EIF2AK3: variants seen among roughly 807,000 people sequenced by gnomAD.
EIF2AK3 encodes the protein eukaryotic translation initiation factor 2-alpha kinase 3.
EIF2AK3 carries 50 observed loss-of-function variants against 113.5 expected under a neutral mutation model. The ratio of observed to expected loss-of-function variants is 0.44; its 90% CI spans 0.35 to 0.56. The LOEUF (loss-of-function observed/expected upper bound fraction) is 0.56, where lower values mean the gene tolerates loss of function less well. EIF2AK3 is among the 20% of genes least tolerant of loss of function. The probability of loss-of-function intolerance (pLI) is 0.00; values close to 1 mark genes in which losing one functional copy is unlikely to be tolerated. For missense variants in EIF2AK3, 1,185 were observed against 1,378.0 expected (o/e 0.86, Z 2.22); for synonymous variants, 448 against 495.4 (o/e 0.90, Z 1.27).
chr2:88,579,133 ATAC>A (rs1419668409), intron 11 of EIF2AK3, among the ~76,000 whole-genome samples: 1 of 152,206 alleles, frequency 6.6e-6, no homozygotes, highest in Non-Finnish European at 1.5e-5. Context: ...TCAAAAGGAA[ATAC>A]TCTAAAGTGT....
chr2:88,584,128 A>G (rs548413498), intron 9 of EIF2AK3, among the ~76,000 whole-genome samples: 1 of 152,294 alleles, frequency 6.6e-6, no homozygotes, highest in African/African-American at 2.4e-5. Flanking sequence ...GATTCTTTCA[A>G]CAAATCTTTA....
At chr2:88,589,706 C>CA (rs1573404754) in intron 6 of EIF2AK3, among the ~76,000 whole-genome samples, 1 of 150,424 alleles carries the variant, frequency 6.6e-6, no homozygotes, top group Non-Finnish European at 1.5e-5. Flanking sequence ...TATAAACAGA[C>CA]AGAGTGTTGT....
intron 15 of EIF2AK3, among the ~76,000 whole-genome samples, chr2:88,560,584 T>C (rs1673924208): frequency 6.6e-6 from 1 of 152,188 alleles, no homozygotes; most frequent in Non-Finnish European, 1.5e-5. Flanking sequence ...CCACCTTGTC[T>C]TTTCACTTTC....
intron 11 of EIF2AK3, among the ~76,000 whole-genome samples, chr2:88,578,142 T>C (rs1010038384): frequency 6.6e-6 from 1 of 151,910 alleles, no homozygotes; most frequent in Admixed American, 6.6e-5. Flanking sequence ...AGAAAAAAAA[T>C]AGTTCCCTAG....
chr2:88,617,947 C>T (rs1421451121), intron 1 of EIF2AK3, among the ~76,000 whole-genome samples: 3 of 152,132 alleles, frequency 2.0e-5, no homozygotes, highest in Non-Finnish European at 4.4e-5. Flanking sequence ...GGGAGACTGA[C>T]GCAGGAGAAC....
In EIF2AK3 at chr2:88,596,913, A is replaced by G. The variant is rs1198004525; in HGVS notation, c.439-1250T>C. On this transcript the variant is annotated intron_variant, in intron 2 of 16. Transcript: ENST00000303236. Reference sequence around the variant, plus strand: ...ATTTCTTCAGTAAGAGTTTTAGTACATGTCTTTGTGACATTGACCTTTGGC... The same window carrying G: ...ATTTCTTCAGTAAGAGTTTTAGTACGTGTCTTTGTGACATTGACCTTTGGC... Among the ~76,000 whole-genome samples, 4 of 152,198 alleles carry G rather than the reference A, an allele frequency of 2.6e-5. No individual in the cohort carries two copies. In the East Asian group the frequency reaches 7.7e-4, roughly 29 times the overall value.
At chr2:88,601,507 C>G (rs1245662283) in intron 2 of EIF2AK3, among the ~76,000 whole-genome samples, 2 of 152,210 alleles carry the variant, frequency 1.3e-5, no homozygotes, top group Admixed American at 6.5e-5. Context: ...ATTTATGTAT[C>G]TGTCTATGAC....
At chr2:88,558,305 T>C (rs570923622) in intron 16 of EIF2AK3, among the ~76,000 whole-genome samples, 2 of 152,348 alleles carry the variant, frequency 1.3e-5, no homozygotes, top group South Asian at 2.1e-4. Flanking sequence ...GAAACATAAA[T>C]ATGATTTTTA....
intron 3 of EIF2AK3, chr2:88,593,951 C>T (rs921314287): frequency 1.3e-5 from 13 of 990,476 alleles, no homozygotes; most frequent in South Asian, 4.6e-5. Context: ...CACATCAAAT[C>T]GGAAAACCAG....
At position 88,591,021 on chromosome 2, in the gene EIF2AK3, G is replaced by T. The variant is rs770587950; in HGVS notation, c.799C>A (p.Arg267=). Residue 267 remains arginine, a synonymous_variant, in exon 5 of 17, where the codon CGG becomes AGG. Coordinates refer to ENST00000303236, the MANE Select transcript of EIF2AK3 (RefSeq NM_004836.7). The part of the protein sequence containing the change: ...WNFSVGHFEL[R]YIPDMETRAG... ...CTCGTTTCCATGTCTGGAATATACC[G>T]AAGTTCAAAGTGGCCAACACTGAAA... 2 of 1,613,892 alleles carry T rather than the reference G, an allele frequency of 1.2e-6. No homozygotes were observed. Among genetic ancestry groups the T allele is most frequent in the African/African-American group, 1.3e-5 (1 of 74,906 alleles).
intron 3 of EIF2AK3, 92 bp from the exon 4 acceptor site, chr2:88,593,497 G>A: frequency 6.8e-7 from 1 of 1,469,370 alleles, no homozygotes; most frequent in Non-Finnish European, 9.4e-7. Context: ...TTTAAAAAGT[G>A]AAAGGAAACT....
intron 12 of EIF2AK3, among the ~76,000 whole-genome samples, chr2:88,576,268 C>T (rs1260430770): frequency 6.6e-6 from 1 of 152,054 alleles, no homozygotes; most frequent in Non-Finnish European, 1.5e-5. Context: ...TTCTAAGAGA[C>T]AGGGTCTCAC....
At chr2:88,594,224 G>GTA (rs1674955874) in intron 3 of EIF2AK3, 3 of 152,288 alleles carry the variant, frequency 2.0e-5, no homozygotes, top group Admixed American at 6.5e-5. Flanking sequence ...GTCCAAGTCT[G>GTA]TATATAAACC....
At chr2:88,586,527 T>C (rs928825255) in intron 8 of EIF2AK3, among the ~76,000 whole-genome samples, 1 of 151,716 alleles carries the variant, frequency 6.6e-6, no homozygotes, top group African/African-American at 2.4e-5. Context: ...CCCAGAAAAA[T>C]AGCTTGTCTT....
At chr2:88,567,213 CT>C (rs11376901) in intron 14 of EIF2AK3, among the ~76,000 whole-genome samples, 2,326 of 147,830 alleles carry the variant, frequency 0.016, 32 homozygotes, top group Non-Finnish European at 0.021. Context: ...CCTTTCTAAC[CT>C]TTTTTTTTTT....
intron 1 of EIF2AK3, among the ~76,000 whole-genome samples, chr2:88,617,598 TA>T (rs951765966): frequency 2.0e-5 from 3 of 149,976 alleles, no homozygotes; most frequent in South Asian, 2.1e-4. Context: ...TACTAAAATA[TA>T]AAAAAAAATT....
intron 14 of EIF2AK3, 55 bp from the exon 15 acceptor site, chr2:88,562,445 T>C: frequency 2.2e-6 from 3 of 1,394,536 alleles, no homozygotes; most frequent in Non-Finnish European, 3.1e-6. Context: ...GTACAGTTGA[T>C]ATTACAGCAT....
In EIF2AK3 at chr2:88,584,392, C is replaced by T. The variant is rs143336003; in HGVS notation, c.1651-850G>A. On this transcript the variant is annotated intron_variant, in intron 9 of 16. Coordinates refer to ENST00000303236, the MANE Select transcript of EIF2AK3 (RefSeq NM_004836.7). ...ATTAGCTGGGTGTGGTGGTATATGC[C>T]AATAGTCCCAGCTACTCGGGAGGCT... 7.8e-3 allele frequency among the ~76,000 whole-genome samples: 1,189 copies of T among 151,854 alleles called. 10 individuals are homozygous for T. Among genetic ancestry groups the T allele is most frequent in the Non-Finnish European group, 0.012 (819 of 67,956 alleles).
chr2:88,567,740 C>T (rs1674177341), intron 14 of EIF2AK3, among the ~76,000 whole-genome samples: 1 of 152,096 alleles, frequency 6.6e-6, no homozygotes, highest in Non-Finnish European at 1.5e-5. Context: ...GTAAAAGTTC[C>T]CTCTCACTCT....
Sources: gnomAD v4.1 joint callset for allele counts (sites outside exome capture counted in the v4.1 genomes callset) on GRCh38, gnomAD v4.1.1 for gene constraint, MANE v1.5 for transcripts, NCBI Gene and HGNC (gene_info 2026-07-23, HGNC 2026-07-21) for gene names.